Variants in UMODL1 observed in about 807,000 individuals in gnomAD.
The protein encoded by UMODL1 is uromodulin-like 1.
In UMODL1, 128 loss-of-function variants were observed where a neutral mutation model predicts 136.3. That is an observed-to-expected ratio of 0.94 (90% CI 0.81 to 1.09). The LOEUF (loss-of-function observed/expected upper bound fraction) is 1.09, where lower values mean the gene tolerates loss of function less well. Ranked by LOEUF, UMODL1 falls within the 50% of genes least tolerant of loss-of-function variation. UMODL1 has a pLI of 0.00. For missense variants in UMODL1, 1,766 were observed against 1,725.6 expected (o/e 1.02, Z -0.41); for synonymous variants, 721 against 720.0 (o/e 1.00, Z -0.02).
intron 1 of UMODL1, among the ~76,000 whole-genome samples, chr21:42,075,285 C>T (rs964724221): frequency 2.6e-5 from 4 of 151,936 alleles, no homozygotes; most frequent in African/African-American, 9.7e-5. Flanking sequence ...TCTCGAACTC[C>T]TGAGCTTGAG....
At chr21:42,115,722 G>C in intron 13 of UMODL1, 151 bp from the exon 14 acceptor site, 1 of 598,528 alleles carries the variant, frequency 1.7e-6, no homozygotes, top group Non-Finnish European at 3.0e-6. Flanking sequence ...CTGTGTCCCT[G>C]AGCCCTGGCA....
At chr21:42,116,099 C>A in intron 14 of UMODL1, 114 bp downstream of exon 14, 1 of 684,324 alleles carries the variant, frequency 1.5e-6, no homozygotes, top group South Asian at 1.9e-5. Context: ...CTTTGGGAGG[C>A]AGAGGCGGGC....
upstream of UMODL1, among the ~76,000 whole-genome samples, chr21:42,070,367 T>C (rs1340372084): frequency 2.0e-5 from 3 of 152,248 alleles, no homozygotes; most frequent in Non-Finnish European, 4.4e-5. Flanking sequence ...GAAAACATCA[T>C]GAGCTAGAAA....
intron 21 of UMODL1, among the ~76,000 whole-genome samples, chr21:42,136,728 T>G (rs540474767): frequency 5.6e-4 from 85 of 151,724 alleles, no homozygotes; most frequent in African/African-American, 1.9e-3. Context: ...TCTTTTTTTT[T>G]GTTTCTTGTT....
chr21:42,101,870 C>T, intron 7 of UMODL1: 1 of 394,232 alleles, frequency 2.5e-6, no homozygotes, highest in Non-Finnish European at 5.0e-6. Context: ...AAGGCAGCAG[C>T]CACCCCACGG....
Position 42,119,281 on chromosome 21 carries a change from C to A in UMODL1, c.2646C>A (p.Thr882=). The A allele has an allele frequency of 6.2e-7, 1 of 1,614,144 alleles. No individual in the cohort carries two copies. The highest frequency in any genetic ancestry group is 8.5e-7 in the Non-Finnish European group (1 of 1,180,032). The change falls in exon 15 of 23, where the codon ACC becomes ACA. Residue 882 remains threonine (T), a synonymous_variant. Transcript: ENST00000408910. ...CTGCATTTCTCACCGCCTTCCAGAC[C>A]GTGCCTCTGCTGGAGGTGATCAGAG... The part of the protein sequence containing the change: ...VSAAFLTAFQ[T]VPLLEVIRGD...
intron 20 of UMODL1, chr21:42,128,222 T>G: frequency 3.3e-6 from 1 of 301,764 alleles, no homozygotes; most frequent in South Asian, 2.8e-5. Flanking sequence ...TATCAGACAC[T>G]CTGTTATTTA....
At chr21:42,071,106 G>A (rs1386958944), upstream of UMODL1, among the ~76,000 whole-genome samples, 2 of 152,216 alleles carry the variant, frequency 1.3e-5, no homozygotes, top group East Asian at 1.9e-4. Flanking sequence ...CAGGGAAACG[G>A]CCATGGCAAT....
chr21:42,098,879 C>T (rs201628625), intron 6 of UMODL1, 47 bp from the exon 7 acceptor site: 47 of 1,599,144 alleles, frequency 2.9e-5, no homozygotes, highest in Non-Finnish European at 3.6e-5. Context: ...AAGAGAAAGC[C>T]GCCCTCACTG....
At position 42,088,361 on chromosome 21, in the gene UMODL1, C is replaced by G; in HGVS notation, c.671C>G (p.Ser224Cys). Reference sequence around the variant, plus strand: ...CTGCACTCAGCCCCTGGGAACGCCTCCACCACAGTGTCGCGGCTGCTACTG... The same window carrying G: ...CTGCACTCAGCCCCTGGGAACGCCTGCACCACAGTGTCGCGGCTGCTACTG... ...HHLHSAPGNA[S>C]TTVSRLLLGL... Residue 224 changes from serine to cysteine, a missense_variant, in exon 5 of 23, where the codon TCC becomes TGC. Ser to Cys is a moderately radical substitution (Grantham distance 112). Coordinates refer to ENST00000408910, the MANE Select transcript of UMODL1 (RefSeq NM_001004416.3). 2.5e-6 allele frequency: 4 copies of G among 1,613,996 alleles called. No homozygotes were observed. Among genetic ancestry groups the G allele is most frequent in the Non-Finnish European group, 3.4e-6 (4 of 1,180,018 alleles).
chr21:42,106,268 C>G (rs1047447205), intron 9 of UMODL1, among the ~76,000 whole-genome samples: 3 of 152,224 alleles, frequency 2.0e-5, no homozygotes, highest in Non-Finnish European at 2.9e-5. Flanking sequence ...CATCCACCCC[C>G]GCTGAGAGCC....
At chr21:42,098,006 C>T (rs1456797983) in intron 6 of UMODL1, among the ~76,000 whole-genome samples, 2 of 152,178 alleles carry the variant, frequency 1.3e-5, no homozygotes, top group Non-Finnish European at 2.9e-5. Context: ...TGAGTCAGCC[C>T]AGTGCAGAAG....
chr21:42,065,260 C>G (rs1011952474), intron 1 of UMODL1, among the ~76,000 whole-genome samples: 10 of 152,232 alleles, frequency 6.6e-5, no homozygotes, highest in African/African-American at 2.4e-4. Flanking sequence ...AGAAAGCTTT[C>G]TAAGATGCCA....
chr21:42,132,269 A>C (rs2067143801), intron 21 of UMODL1, among the ~76,000 whole-genome samples: 1 of 149,896 alleles, frequency 6.7e-6, no homozygotes, highest in South Asian at 2.1e-4. Flanking sequence ...CCACCCATTC[A>C]TTCATCTATT....
chr21:42,064,080 T>G lies in UMODL1; in HGVS notation c.-141+866T>G, dbSNP rs559174910. 4.6e-5 allele frequency among the ~76,000 whole-genome samples: 7 copies of G among 152,302 alleles called. No homozygotes were observed. In the East Asian group the frequency reaches 1.4e-3, roughly 29 times the overall value. On this transcript the variant is annotated intron_variant, in intron 1 of 22. Coordinates refer to the UMODL1 transcript ENST00000400424. ...GGGGCTTGGGGGGTTTCTGGCAGTC[T>G]GTCGAGCCCGAGGTGAATGTCCCCA...
chr21:42,110,221 G>T (rs559365369), intron 10 of UMODL1, among the ~76,000 whole-genome samples: 36 of 152,310 alleles, frequency 2.4e-4, no homozygotes, highest in African/African-American at 8.4e-4. Flanking sequence ...GGGATACCTG[G>T]GATGCTGAAT....
rs768785233 is a variant in UMODL1 at position 42,121,582 on chromosome 21, G to A, written c.2827+358G>A. On this transcript the variant is annotated intron_variant, in intron 16 of 22. Transcript: ENST00000408910. ...TGAAACACGCAGCCGTGGGACACGC[G>A]ACACAGGGGAATGTTTCCTCTTGGC... Among the ~76,000 whole-genome samples, 446 of 152,248 alleles carry A rather than the reference G, an allele frequency of 2.9e-3. 3 individuals are homozygous for A. The highest frequency in any genetic ancestry group is 5.6e-3 in the Non-Finnish European group (378 of 68,006).
chr21:42,126,494 AG>A lies in UMODL1; in HGVS notation c.3293+7del. The A allele has an allele frequency of 6.2e-7, 1 of 1,614,206 alleles. No homozygotes were observed. Among genetic ancestry groups the A allele is most frequent in the Non-Finnish European group, 8.5e-7 (1 of 1,180,026 alleles). ...CCGGCTTCACCCTGGAGTGGGGGTAAGGGAGAAATGCCCCGGCTGCCCCACA... is the reference window on the plus strand; with the variant it reads ...CCGGCTTCACCCTGGAGTGGGGGTAAGGAGAAATGCCCCGGCTGCCCCACA... On this transcript the variant is annotated splice_donor_5th_base_variant and intron_variant, in intron 18 of 22. Transcript: ENST00000408910.
At chr21:42,077,761 A>C (rs2066312667) in intron 2 of UMODL1, among the ~76,000 whole-genome samples, 1 of 152,174 alleles carries the variant, frequency 6.6e-6, no homozygotes, top group Admixed American at 6.5e-5. Context: ...GCTAAGGGAG[A>C]GTCCATTCAG....
Sources: gnomAD v4.1 joint callset for allele counts (sites outside exome capture counted in the v4.1 genomes callset) on GRCh38, gnomAD v4.1.1 for gene constraint, MANE v1.5 for transcripts, NCBI Gene and HGNC (gene_info 2026-07-23, HGNC 2026-07-21) for gene names.